The following CNTN5 variants were observed in gnomAD, a reference collection of about 807,000 sequenced individuals.
CNTN5 encodes contactin-5.
Under a neutral mutation model 129.1 loss-of-function variants are expected in CNTN5, and 77 were observed. The ratio of observed to expected loss-of-function variants is 0.60; its 90% CI spans 0.50 to 0.72. The LOEUF (loss-of-function observed/expected upper bound fraction) is 0.72. CNTN5 is among the 30% of genes least tolerant of loss of function. CNTN5 has a pLI of 0.00. For synonymous variants in CNTN5, 509 were observed against 465.6 expected (o/e 1.09, Z -1.20); for missense variants, 1,478 against 1,328.8 (o/e 1.11, Z -1.75).
intron 3 of CNTN5, among the ~76,000 whole-genome samples, chr11:99,731,778 C>A (rs1943542836): frequency 6.6e-6 from 1 of 152,128 alleles, no homozygotes; most frequent in Non-Finnish European, 1.5e-5. Flanking sequence ...ACTTTCTATA[C>A]TCCCTTAGTT....
intron 7 of CNTN5, among the ~76,000 whole-genome samples, chr11:99,918,803 C>T (rs1017683521): frequency 6.6e-6 from 1 of 152,134 alleles, no homozygotes; most frequent in African/African-American, 2.4e-5. Context: ...ACTTCCTTAT[C>T]CTTTGTTCCT....
At chr11:100,205,820 T>C (rs1948900774) in intron 15 of CNTN5, among the ~76,000 whole-genome samples, 2 of 152,096 alleles carry the variant, frequency 1.3e-5, no homozygotes, top group Admixed American at 1.3e-4. Flanking sequence ...CTATTTCATA[T>C]AAGGGACTTG....
intron 13 of CNTN5, among the ~76,000 whole-genome samples, chr11:100,129,452 A>G (rs1378984195): frequency 6.6e-6 from 1 of 152,130 alleles, no homozygotes; most frequent in Non-Finnish European, 1.5e-5. Context: ...GACACTCATC[A>G]CATCAAAATT....
chr11:100,105,107 T>C (rs991372624), intron 13 of CNTN5, among the ~76,000 whole-genome samples: 1 of 152,212 alleles, frequency 6.6e-6, no homozygotes, highest in African/African-American at 2.4e-5. Flanking sequence ...TATTTTGCAA[T>C]TCAGGAAACT....
intron 17 of CNTN5, among the ~76,000 whole-genome samples, chr11:100,258,258 A>G (rs1950119168): frequency 6.6e-6 from 1 of 152,154 alleles, no homozygotes; most frequent in Admixed American, 6.5e-5. Context: ...AAAAGGAACA[A>G]ACAAAGCCTC....
At chr11:99,752,950 T>A (rs1401856957) in intron 3 of CNTN5, among the ~76,000 whole-genome samples, 2 of 152,078 alleles carry the variant, frequency 1.3e-5, no homozygotes, top group African/African-American at 4.8e-5. Flanking sequence ...TTGTCTGTCC[T>A]GGGGAAAGTC....
At chr11:99,670,759 C>T (rs75364272) in intron 3 of CNTN5, among the ~76,000 whole-genome samples, 12,694 of 152,144 alleles carry the variant, frequency 0.083, 644 homozygotes, top group East Asian at 0.2. Context: ...GGTCCCTGGA[C>T]ATTCACCATA....
intron 2 of CNTN5, among the ~76,000 whole-genome samples, chr11:99,329,251 A>C (rs190684594): frequency 3.3e-5 from 5 of 152,300 alleles, no homozygotes; most frequent in Admixed American, 2.6e-4. Flanking sequence ...CTAGTACATA[A>C]ATTTTTGCTA....
At chr11:100,092,408 G>C (rs1457178236) in intron 13 of CNTN5, among the ~76,000 whole-genome samples, 2 of 152,110 alleles carry the variant, frequency 1.3e-5, no homozygotes. Context: ...ACACCCAGCT[G>C]TATTTAAGGC....
chr11:99,591,930 A>G (rs1305963527), intron 3 of CNTN5, among the ~76,000 whole-genome samples: 1 of 152,202 alleles, frequency 6.6e-6, no homozygotes, highest in East Asian at 1.9e-4. Context: ...TGAAATTCCA[A>G]TAGAGATGGA....
intron 1 of CNTN5, among the ~76,000 whole-genome samples, chr11:99,247,699 A>G (rs1390030487): frequency 6.6e-6 from 1 of 151,840 alleles, no homozygotes; most frequent in Non-Finnish European, 1.5e-5. Context: ...CCTATCAGTG[A>G]GAACATGTGG....
At chr11:99,197,145 A>T (rs1303656751) in intron 1 of CNTN5, among the ~76,000 whole-genome samples, 1 of 152,124 alleles carries the variant, frequency 6.6e-6, no homozygotes, top group South Asian at 2.1e-4. Flanking sequence ...TACAAATTGG[A>T]CACATACAAC....
chr11:100,144,582 A>G (rs935791288), intron 13 of CNTN5, among the ~76,000 whole-genome samples: 44 of 152,322 alleles, frequency 2.9e-4, no homozygotes, highest in African/African-American at 1.1e-3. Flanking sequence ...GAAAGGAGAT[A>G]CAGCATAAAC....
intron 3 of CNTN5, among the ~76,000 whole-genome samples, chr11:99,585,116 C>T (rs947543395): frequency 6.6e-6 from 1 of 152,164 alleles, no homozygotes; most frequent in Non-Finnish European, 1.5e-5. Flanking sequence ...GTTACAAAAT[C>T]ACACATGGAT....
At chr11:100,340,736 C>A in intron 22 of CNTN5, 87 bp downstream of exon 22, 3 of 1,197,402 alleles carry the variant, frequency 2.5e-6, no homozygotes, top group Non-Finnish European at 3.5e-6. Flanking sequence ...GCATAATAAG[C>A]AGAGTCAAAG....
At position 99,506,581 on chromosome 11, in the gene CNTN5, T is replaced by G. The variant is rs936773418; in HGVS notation, c.-70-49564T>G. Among the ~76,000 whole-genome samples, 13 of 135,122 alleles carry G rather than the reference T, an allele frequency of 9.6e-5. No individual in the cohort carries two copies. The Admixed American group carries it at 1.1e-3, about 11-fold the overall frequency. The allele number at this position is 135,122 out of a possible 152,430, so 88.6% of individuals were successfully genotyped here. A position where few individuals can be genotyped will look rare whatever the true frequency, so the allele number is the denominator to read the frequency against. Reference sequence around the variant, plus strand: ...CAATGAGTAAATACTTAAAAAAAATTATAGTGTTTGTATAGTAAAAGTGTG... The same window carrying G: ...CAATGAGTAAATACTTAAAAAAAATGATAGTGTTTGTATAGTAAAAGTGTG... On this transcript the variant is annotated intron_variant, in intron 2 of 24. Transcript: ENST00000524871.
chr11:99,454,682 C>T (rs1445920276), intron 2 of CNTN5, among the ~76,000 whole-genome samples: 1 of 152,126 alleles, frequency 6.6e-6, no homozygotes, highest in Non-Finnish European at 1.5e-5. Context: ...TACCCAGTCC[C>T]AGACAATTCT....
chr11:100,317,247 T>C (rs925218701), intron 21 of CNTN5, among the ~76,000 whole-genome samples: 1 of 152,156 alleles, frequency 6.6e-6, no homozygotes, highest in Non-Finnish European at 1.5e-5. Context: ...TCTCTGACAA[T>C]AACTCATGCT....
intron 3 of CNTN5, among the ~76,000 whole-genome samples, chr11:99,751,857 T>G (rs1212049126): frequency 6.6e-6 from 1 of 152,226 alleles, no homozygotes; most frequent in Non-Finnish European, 1.5e-5. Context: ...GACTCCTCCC[T>G]TATGAATGGG....
Sources: allele counts gnomAD v4.1 joint callset (sites outside exome capture counted in the v4.1 genomes callset), GRCh38; gene constraint gnomAD v4.1.1; transcripts MANE v1.5; gene names NCBI Gene and HGNC (gene_info 2026-07-23, HGNC 2026-07-21).